The following MDGA2 variants were observed in gnomAD, a reference collection of about 807,000 sequenced individuals.
The protein encoded by MDGA2 is MAM domain-containing glycosylphosphatidylinositol anchor protein 2.
A neutral mutation model predicts 117.8 loss-of-function variants in MDGA2; 40 were observed. That is an observed-to-expected ratio of 0.34 (90% CI 0.26 to 0.44). The LOEUF is 0.44. Ranked by LOEUF, MDGA2 falls within the 20% of genes least tolerant of loss-of-function variation. MDGA2 has a pLI of 1.00. For missense variants in MDGA2, 1,123 were observed against 1,250.6 expected (o/e 0.90, Z 1.54); for synonymous variants, 452 against 439.0 (o/e 1.03, Z -0.37).
At chr14:47,670,045 T>C (rs2091209489) in intron 1 of MDGA2, among the ~76,000 whole-genome samples, 1 of 152,158 alleles carries the variant, frequency 6.6e-6, no homozygotes, top group Admixed American at 6.5e-5. Context: ...TATGCCCTTG[T>C]TCTTAATTTC....
chr14:47,044,919 G>A (rs753257827), intron 7 of MDGA2, among the ~76,000 whole-genome samples: 20 of 152,216 alleles, frequency 1.3e-4, no homozygotes, highest in Middle Eastern at 6.8e-3. Context: ...GGAGAAATAG[G>A]TTCCTGGAGG....
At chr14:47,361,996 A>C (rs918174785) in intron 1 of MDGA2, among the ~76,000 whole-genome samples, 1 of 152,178 alleles carries the variant, frequency 6.6e-6, no homozygotes, top group African/African-American at 2.4e-5. Flanking sequence ...TTTTGTTTTA[A>C]CATTATACTT....
intron 3 of MDGA2, among the ~76,000 whole-genome samples, chr14:47,213,409 G>A (rs2139489891): frequency 6.6e-6 from 1 of 152,226 alleles, no homozygotes; most frequent in African/African-American, 2.4e-5. Flanking sequence ...GTTGCATGCT[G>A]ATATGTGCAT....
chr14:47,246,360 A>G (rs544196187), intron 2 of MDGA2, among the ~76,000 whole-genome samples: 2 of 151,752 alleles, frequency 1.3e-5, no homozygotes, highest in African/African-American at 4.8e-5. Flanking sequence ...CAATATTGGT[A>G]AAAAATAAGA....
At chr14:47,570,193 AAAAG>A (rs1895993165) in intron 1 of MDGA2, among the ~76,000 whole-genome samples, 1 of 152,050 alleles carries the variant, frequency 6.6e-6, no homozygotes, top group African/African-American at 2.4e-5. Flanking sequence ...AACTAAAATT[AAAAG>A]AAAGAATGCT....
intron 1 of MDGA2, among the ~76,000 whole-genome samples, chr14:47,492,969 A>T (rs566955236): frequency 9.2e-5 from 14 of 152,134 alleles, no homozygotes; most frequent in Non-Finnish European, 1.6e-4. Context: ...TCATTTTATT[A>T]TTTTCTCTAA....
chr14:46,862,388 G>A (rs1231181007), intron 14 of MDGA2, among the ~76,000 whole-genome samples: 1 of 149,046 alleles, frequency 6.7e-6, no homozygotes, highest in East Asian at 1.9e-4. Context: ...GCAATAGCCT[G>A]ATTATTATTT....
intron 3 of MDGA2, among the ~76,000 whole-genome samples, chr14:47,171,157 G>C (rs190563961): frequency 6.6e-6 from 1 of 151,982 alleles, no homozygotes; most frequent in African/African-American, 2.4e-5. Context: ...ATTTTTATTA[G>C]AAATATTATG....
intron 8 of MDGA2, among the ~76,000 whole-genome samples, chr14:47,001,469 C>G (rs940883680): frequency 6.6e-6 from 1 of 151,950 alleles, no homozygotes; most frequent in South Asian, 2.1e-4. Flanking sequence ...GGGAACAAAA[C>G]TTATGTGGCT....
Position 47,053,640 on chromosome 14 carries a change from T to C in MDGA2, c.1525+7609A>G, listed in dbSNP as rs1193961836. ...ATATATATATATATATATATATATA[T>C]ATATATATATATATACACACACACA... On this transcript the variant is annotated intron_variant, in intron 7 of 16. Coordinates refer to ENST00000399232, the MANE Select transcript of MDGA2 (RefSeq NM_001113498.3). Among the ~76,000 whole-genome samples the C allele has an allele frequency of 3.5e-4, 22 of 63,444 alleles. 2 individuals carry two copies. The highest frequency in any genetic ancestry group is 6.5e-4 in the African/African-American group (9 of 13,942). 41.6% of individuals were successfully genotyped at this position (63,444 alleles called of 152,430 possible).
chr14:47,645,985 C>A (rs1417010860), intron 1 of MDGA2, among the ~76,000 whole-genome samples: 1 of 148,718 alleles, frequency 6.7e-6, no homozygotes, highest in Non-Finnish European at 1.5e-5. Flanking sequence ...GAGGCTGAGG[C>A]AGGAGAATGG....
intron 10 of MDGA2, 62 bp from the exon 11 acceptor site, chr14:46,882,283 T>C (rs1009999810): frequency 3.0e-5 from 42 of 1,418,234 alleles, no homozygotes; most frequent in African/African-American, 7.4e-5. Flanking sequence ...ACTAAGAAAA[T>C]TGAAAACAAA....
chr14:47,110,148 A>T (rs1404504511), intron 5 of MDGA2, among the ~76,000 whole-genome samples: 1 of 143,432 alleles, frequency 7.0e-6, no homozygotes, highest in African/African-American at 2.7e-5. Context: ...TATCTATCAA[A>T]ATGTAATGCA....
At chr14:47,537,296 G>T (rs1375237999) in intron 1 of MDGA2, among the ~76,000 whole-genome samples, 1 of 131,290 alleles carries the variant, frequency 7.6e-6, no homozygotes, top group East Asian at 2.2e-4. Context: ...TCACACACCA[G>T]GGCCTGTTGT....
chr14:47,525,633 C>T (rs186544937), intron 1 of MDGA2, among the ~76,000 whole-genome samples: 11 of 151,854 alleles, frequency 7.2e-5, no homozygotes, highest in Non-Finnish European at 1.6e-4. Flanking sequence ...TGCGGTGAAC[C>T]GAGACTGCAC....
chr14:47,228,034 A>G (rs367636885), intron 2 of MDGA2, among the ~76,000 whole-genome samples: 15 of 151,426 alleles, frequency 9.9e-5, no homozygotes, highest in African/African-American at 3.2e-4. Context: ...CTCCAAACCA[A>G]CTCTCCCAGT....
In MDGA2 at chr14:47,540,563, T is replaced by TATACAC. The variant is rs370481455; in HGVS notation, c.280+133953_280+133954insGTGTAT. ...GTGTATATATATATATGTATATATA[T>TATACAC]ACACACACACATAGAGAGAGAGACA... is the stretch of plus-strand genomic sequence containing the variant. On this transcript the variant is annotated intron_variant, in intron 1 of 16. Transcript: ENST00000399232. 3.8e-3 allele frequency among the ~76,000 whole-genome samples: 432 copies of TATACAC among 112,272 alleles called. 17 individuals are homozygous for TATACAC. Among genetic ancestry groups the TATACAC allele is most frequent in the South Asian group, 0.013 (27 of 2,104 alleles). 73.7% of individuals were successfully genotyped at this position (112,272 alleles called of 152,430 possible). A position where few individuals can be genotyped will look rare whatever the true frequency, so the allele number is the denominator to read the frequency against.
Position 47,435,007 on chromosome 14 carries a change from A to G in MDGA2, c.281-133457T>C, listed in dbSNP as rs544781520. 3.9e-5 allele frequency among the ~76,000 whole-genome samples: 6 copies of G among 152,124 alleles called. No homozygotes were observed. In the East Asian group the frequency reaches 1.2e-3, roughly 30 times the overall value. ...AAAAGTTAGCCAGGTGTGGTAGTGC[A>G]TGCCTGTAATTCCAGCTACTCAGGA... On this transcript the variant is annotated intron_variant, in intron 1 of 16. Transcript: ENST00000399232.
chr14:47,224,039 G>A (rs1457836399), intron 2 of MDGA2, among the ~76,000 whole-genome samples: 2 of 152,142 alleles, frequency 1.3e-5, no homozygotes, highest in Admixed American at 1.3e-4. Context: ...CGGGGATTGT[G>A]GGAGCTACAA....
Sources: allele counts gnomAD v4.1 joint callset (sites outside exome capture counted in the v4.1 genomes callset), GRCh38; gene constraint gnomAD v4.1.1; transcripts MANE v1.5; gene names NCBI Gene and HGNC (gene_info 2026-07-23, HGNC 2026-07-21).